ARHGAP10: variants seen among roughly 807,000 people sequenced by gnomAD.
The protein encoded by ARHGAP10 is Rho GTPase activating protein 10.
A neutral mutation model predicts 108.6 loss-of-function variants in ARHGAP10; 87 were observed. The observed-to-expected ratio is 0.80, with a 90% CI of 0.67 to 0.96. The LOEUF (loss-of-function observed/expected upper bound fraction) is 0.96, where lower values mean the gene tolerates loss of function less well. Among genes scored for constraint, ARHGAP10 ranks in the 40% least tolerant of loss-of-function variants. The probability of loss-of-function intolerance (pLI) is 0.00; values close to 1 mark genes in which losing one functional copy is unlikely to be tolerated. For synonymous variants in ARHGAP10, 347 were observed against 341.1 expected (o/e 1.02, Z -0.19); for missense variants, 939 against 954.5 (o/e 0.98, Z 0.21).
intron 1 of ARHGAP10, chr4:147,745,388 GAAT>G (rs1301660365): frequency 6.6e-6 from 1 of 152,396 alleles, no homozygotes; most frequent in Non-Finnish European, 1.5e-5. Flanking sequence ...AGACAGGGTT[GAAT>G]GTGTTCAGGG....
chr4:147,914,426 T>G (rs545159720), intron 13 of ARHGAP10, among the ~76,000 whole-genome samples: 2 of 152,178 alleles, frequency 1.3e-5, no homozygotes, highest in African/African-American at 4.8e-5. Flanking sequence ...GGTGGAGCCA[T>G]AGCTCACTGC....
chr4:148,058,402 TCTC>T (rs759630893), intron 20 of ARHGAP10, among the ~76,000 whole-genome samples: 1 of 152,118 alleles, frequency 6.6e-6, no homozygotes, highest in Non-Finnish European at 1.5e-5. Flanking sequence ...TAATGCGTAT[TCTC>T]CTCGCTCTAC....
intron 13 of ARHGAP10, among the ~76,000 whole-genome samples, chr4:147,933,297 T>C (rs1326388114): frequency 6.6e-6 from 1 of 152,202 alleles, no homozygotes; most frequent in Non-Finnish European, 1.5e-5. Context: ...GGTGCAGTCA[T>C]AGCACACTAT....
chr4:148,044,563 G>A (rs1341622581), intron 19 of ARHGAP10, among the ~76,000 whole-genome samples: 2 of 152,200 alleles, frequency 1.3e-5, no homozygotes, highest in South Asian at 4.1e-4. Flanking sequence ...ACTGAGGGCA[G>A]CCGTCATGCC....
intron 12 of ARHGAP10, among the ~76,000 whole-genome samples, chr4:147,911,839 T>C (rs887959625): frequency 2.0e-5 from 3 of 152,052 alleles, no homozygotes; most frequent in South Asian, 2.1e-4. Context: ...AAAATATTAT[T>C]TTAAAAGCTT....
chr4:147,803,982 G>C (rs1012358052), intron 1 of ARHGAP10, among the ~76,000 whole-genome samples: 7 of 149,978 alleles, frequency 4.7e-5, no homozygotes, highest in African/African-American at 1.5e-4. Flanking sequence ...TCATATGGTA[G>C]TTGTATTTTT....
At chr4:148,053,797 T>C (rs1241435667) in intron 20 of ARHGAP10, among the ~76,000 whole-genome samples, 1 of 152,198 alleles carries the variant, frequency 6.6e-6, no homozygotes, top group Admixed American at 6.5e-5. Flanking sequence ...CCATTGTGGC[T>C]TGCTGGGGTA....
At chr4:147,806,972 C>T (rs10005192) in intron 1 of ARHGAP10, among the ~76,000 whole-genome samples, 9,767 of 152,200 alleles carry the variant, frequency 0.064, 300 homozygotes, top group East Asian at 0.1. Context: ...CTCTAGTAAG[C>T]GTGAAACCCG....
rs769389099 is a variant in ARHGAP10, at chr4:147,946,620, TA to T, written c.1312del (p.Thr438HisfsTer15). 5.0e-6 allele frequency: 8 copies of T among 1,611,958 alleles called. No homozygotes were observed. Among genetic ancestry groups the T allele is most frequent in the African/African-American group, 2.7e-5 (2 of 74,826 alleles). On this transcript the variant is annotated frameshift_variant, in exon 15 of 23. Coordinates refer to ENST00000336498, the MANE Select transcript of ARHGAP10 (RefSeq NM_024605.4). LOFTEE classifies it high-confidence loss of function. ...TTCTTGTTTGCTTGCTCACTAGATG[TA>T]AAAACATGCAATGAGGTGGACCTGG... ...VQRLLSMLMD[V>X]KTCNEVDLEN...
In ARHGAP10 at chr4:147,832,200, T is replaced by C. The variant is rs901356683; in HGVS notation, c.312+9243T>C. ...TATTGGGAATGTGTGCAGCTGAGTC[T>C]GCTGTTTCACTAGGGAAATATTTCG... On this transcript the variant is annotated intron_variant, in intron 3 of 22. Coordinates refer to ENST00000336498, the MANE Select transcript of ARHGAP10 (RefSeq NM_024605.4). Among the ~76,000 whole-genome samples, 33 of 152,128 alleles carry C rather than the reference T, an allele frequency of 2.2e-4. 1 individual carries two copies. The highest frequency in any genetic ancestry group is 1.9e-3 in the Admixed American group (29 of 15,264).
intron 9 of ARHGAP10, among the ~76,000 whole-genome samples, chr4:147,881,268 CAA>C (rs58379522): frequency 7.6e-5 from 10 of 131,426 alleles, no homozygotes; most frequent in Admixed American, 1.5e-4. Context: ...GCAAGACTGT[CAA>C]AAAAAAAAAA....
chr4:147,740,984 A>C (rs1728632337), intron 1 of ARHGAP10, among the ~76,000 whole-genome samples: 1 of 152,162 alleles, frequency 6.6e-6, no homozygotes, highest in Non-Finnish European at 1.5e-5. Context: ...ATGTGTTTGC[A>C]TGTGTTTAAA....
chr4:147,786,662 G>T (rs766347340), intron 1 of ARHGAP10, among the ~76,000 whole-genome samples: 1 of 151,818 alleles, frequency 6.6e-6, no homozygotes, highest in African/African-American at 2.4e-5. Context: ...TATGCAGGTC[G>T]TGCATATGGG....
intron 18 of ARHGAP10, among the ~76,000 whole-genome samples, chr4:148,020,487 A>C (rs991290023): frequency 5.9e-5 from 9 of 151,420 alleles, no homozygotes; most frequent in African/African-American, 2.2e-4. Flanking sequence ...TGTTCACCCC[A>C]GGTGTCCATG....
At position 147,965,106 on chromosome 4, in the gene ARHGAP10, T is replaced by C; in HGVS notation, c.1533T>C (p.Asp511=). The change falls in exon 17 of 23, where the codon GAT becomes GAC. Residue 511 remains aspartate (D), a synonymous_variant. Coordinates refer to ENST00000336498, the MANE Select transcript of ARHGAP10 (RefSeq NM_024605.4). Reference sequence around the variant, plus strand: ...CAGAGAAGAATAAAGAGATGTTGGATATTTTGGTGAAACACTTAACAAAGT... The same window carrying C: ...CAGAGAAGAATAAAGAGATGTTGGACATTTTGGTGAAACACTTAACAAAGT... ...KLPEKNKEML[D]ILVKHLTNVS... The C allele has an allele frequency of 6.2e-7, 1 of 1,605,152 alleles. No homozygotes were observed. Among genetic ancestry groups the C allele is most frequent in the East Asian group, 2.3e-5 (1 of 44,362 alleles).
rs370293555 is a variant in ARHGAP10, at chr4:147,889,163, TTTC to T, written c.1034+7236_1034+7238del. 2.5e-4 allele frequency among the ~76,000 whole-genome samples: 38 copies of T among 152,330 alleles called. No homozygotes were observed. In the South Asian group the frequency reaches 7.5e-3, roughly 30 times the overall value. ...CAAGCAACTGTCAGTCAACTATCCTTTTCTTCTGCACCACACCGCTATACTGTG... is the reference window on the plus strand; with the variant it reads ...CAAGCAACTGTCAGTCAACTATCCTTTTCTGCACCACACCGCTATACTGTG... On this transcript the variant is annotated intron_variant, in intron 10 of 22. Transcript: ENST00000336498.
At chr4:147,739,735 G>A (rs1728576853) in intron 1 of ARHGAP10, among the ~76,000 whole-genome samples, 1 of 150,898 alleles carries the variant, frequency 6.6e-6, no homozygotes, top group Admixed American at 6.6e-5. Flanking sequence ...CTTATATCTT[G>A]GGCTTTTTTT....
intron 20 of ARHGAP10, among the ~76,000 whole-genome samples, chr4:148,051,044 T>A (rs1729113410): frequency 6.6e-6 from 1 of 152,232 alleles, no homozygotes; most frequent in Admixed American, 6.5e-5. Flanking sequence ...GCTAAAATCT[T>A]GTCCACTGGG....
intron 1 of ARHGAP10, among the ~76,000 whole-genome samples, chr4:147,770,856 C>G (rs754497194): frequency 9.2e-5 from 14 of 152,160 alleles, no homozygotes; most frequent in Non-Finnish European, 1.8e-4. Context: ...GTCTTATTTT[C>G]TAGTAATTCT....
Sources: gnomAD v4.1 joint callset for allele counts (sites outside exome capture counted in the v4.1 genomes callset) on GRCh38, gnomAD v4.1.1 for gene constraint, MANE v1.5 for transcripts, NCBI Gene and HGNC (gene_info 2026-07-23, HGNC 2026-07-21) for gene names.